The following LINGO2 variants were observed in gnomAD, a reference collection of about 807,000 sequenced individuals.
LINGO2 encodes leucine-rich repeat and immunoglobulin-like domain-containing nogo receptor-interacting protein 2.
Under a neutral mutation model 30.6 loss-of-function variants are expected in LINGO2, and 14 were observed. That is an observed-to-expected ratio of 0.46 (90% CI 0.30 to 0.72). The LOEUF is 0.72. Among genes scored for constraint, LINGO2 ranks in the 30% least tolerant of loss-of-function variants. The probability of loss-of-function intolerance (pLI) is 0.07; values close to 1 mark genes in which losing one functional copy is unlikely to be tolerated. For missense variants in LINGO2, 729 were observed against 751.7 expected (o/e 0.97, Z 0.35); for synonymous variants, 317 against 288.5 (o/e 1.10, Z -1.00).
the LINGO2 span, among the ~76,000 whole-genome samples, chr9:29,032,110 A>G: frequency 2.0e-5 from 3 of 152,304 alleles, no homozygotes; most frequent in Non-Finnish European, 4.4e-5. Context: ...TAAACTTCAT[A>G]CGTTTTAAAT....
intron 1 of LINGO2, among the ~76,000 whole-genome samples, chr9:28,510,481 C>T (rs1265018215): frequency 6.6e-6 from 1 of 151,924 alleles, no homozygotes; most frequent in East Asian, 1.9e-4. Context: ...TCATCTTTGT[C>T]TTCATGTGGA....
intron 1 of LINGO2, among the ~76,000 whole-genome samples, chr9:28,619,962 T>G (rs902231670): frequency 2.6e-5 from 4 of 151,664 alleles, no homozygotes; most frequent in Non-Finnish European, 5.9e-5. Context: ...AATTTGTACT[T>G]GAATTATTGT....
intron 1 of LINGO2, among the ~76,000 whole-genome samples, chr9:28,566,145 G>A (rs1269763213): frequency 2.0e-5 from 3 of 152,094 alleles, no homozygotes; most frequent in Non-Finnish European, 2.9e-5. Context: ...GAGTCCTAAA[G>A]GCCCTCTTCT....
At chr9:28,410,550 A>G (rs982226331) in intron 2 of LINGO2, among the ~76,000 whole-genome samples, 1 of 152,084 alleles carries the variant, frequency 6.6e-6, no homozygotes, top group African/African-American at 2.4e-5. Flanking sequence ...ATCCCATGAG[A>G]TTTCCTGTGA....
At chr9:28,746,952 C>T in the LINGO2 span, among the ~76,000 whole-genome samples, 1 of 151,944 alleles carries the variant, frequency 6.6e-6, no homozygotes, top group Non-Finnish European at 1.5e-5. Flanking sequence ...GACTATATGT[C>T]ACACACTTAG....
intron 3 of LINGO2, among the ~76,000 whole-genome samples, chr9:28,311,145 GC>G (rs931452080): frequency 1.3e-5 from 2 of 152,000 alleles, no homozygotes; most frequent in Admixed American, 6.6e-5. Flanking sequence ...GTTCTGTGAT[GC>G]CCCCCGAGCC....
chr9:28,256,904 C>CAAATTT (rs1822400100), intron 4 of LINGO2, among the ~76,000 whole-genome samples: 1 of 151,614 alleles, frequency 6.6e-6, no homozygotes, highest in Non-Finnish European at 1.5e-5. Flanking sequence ...ATATGTTTAG[C>CAAATTT]AAAGGAAAAG....
At chr9:29,117,219 G>A in the LINGO2 span, among the ~76,000 whole-genome samples, 1 of 152,228 alleles carries the variant, frequency 6.6e-6, no homozygotes, top group East Asian at 1.9e-4. Flanking sequence ...TAGAAGTGAA[G>A]GAAGCAGGAT....
At chr9:28,106,165 C>G (rs910353786) in intron 4 of LINGO2, among the ~76,000 whole-genome samples, 1 of 152,088 alleles carries the variant, frequency 6.6e-6, no homozygotes, top group African/African-American at 2.4e-5. Flanking sequence ...CCCCCTTACC[C>G]CTCCGAGTCC....
intron 3 of LINGO2, among the ~76,000 whole-genome samples, chr9:28,351,374 C>T (rs1274766306): frequency 2.1e-4 from 32 of 149,062 alleles, no homozygotes; most frequent in Middle Eastern, 3.4e-3. Flanking sequence ...ACAAACACCT[C>T]TATGCAAATA....
the LINGO2 span, among the ~76,000 whole-genome samples, chr9:28,840,207 G>A: frequency 1.3e-5 from 2 of 151,790 alleles, no homozygotes; most frequent in South Asian, 2.1e-4. Flanking sequence ...CACCCAGGAC[G>A]GTGGGTCTCC....
At chr9:28,003,338 G>GATATATAT (rs147286017) in intron 5 of LINGO2, among the ~76,000 whole-genome samples, 6 of 133,882 alleles carry the variant, frequency 4.5e-5, no homozygotes, top group Middle Eastern at 3.4e-3. Flanking sequence ...TAGATATATA[G>GATATATAT]ATATATAGAT....
chr9:28,011,385 T>C (rs4880001), intron 5 of LINGO2, among the ~76,000 whole-genome samples: 45,527 of 152,038 alleles, frequency 0.3, 7,931 homozygotes, highest in Non-Finnish European at 0.39. Context: ...CATTAGGAAA[T>C]AGCAAGAATA....
chr9:28,298,379 T>C (rs1824002422), intron 3 of LINGO2, among the ~76,000 whole-genome samples: 1 of 151,578 alleles, frequency 6.6e-6, no homozygotes, highest in African/African-American at 2.4e-5. Flanking sequence ...TAAAAATGAA[T>C]TTGGGGCTGG....
chr9:28,267,164 T>A (rs982136496), intron 4 of LINGO2, among the ~76,000 whole-genome samples: 9 of 152,080 alleles, frequency 5.9e-5, no homozygotes, highest in African/African-American at 1.9e-4. Context: ...TTTGAGATTG[T>A]GTGATTATTT....
chr9:27,938,748 G>C, the LINGO2 span: 1 of 152,116 alleles, frequency 6.6e-6, no homozygotes, highest in African/African-American at 2.4e-5. Flanking sequence ...ACAGAGCTAA[G>C]GTTTAAACCA....
In LINGO2 at chr9:28,071,222, T is replaced by C. The variant is rs374226070; in HGVS notation, c.-86-58817A>G. 3.3e-5 allele frequency among the ~76,000 whole-genome samples: 5 copies of C among 152,184 alleles called. No individual in the cohort carries two copies. The East Asian group carries it at 7.7e-4, about 23-fold the overall frequency. ...CCTTGGGGTTGAGGTGGGGCATATA[T>C]GATCCTTGGGTTGTACATTTCAAGT... On this transcript the variant is annotated intron_variant, in intron 4 of 5. Transcript: ENST00000379992.
At chr9:28,636,283 T>C (rs1035137758) in intron 1 of LINGO2, among the ~76,000 whole-genome samples, 2 of 152,216 alleles carry the variant, frequency 1.3e-5, no homozygotes, top group African/African-American at 4.8e-5. Flanking sequence ...ACAATAAACA[T>C]ACGTGTGCAT....
the LINGO2 span, among the ~76,000 whole-genome samples, chr9:29,043,988 A>G: frequency 2.0e-5 from 3 of 152,060 alleles, no homozygotes; most frequent in Admixed American, 2.0e-4. Context: ...TTGACTGCCA[A>G]TGAAAGAACA....
Sources: allele counts gnomAD v4.1 joint callset (sites outside exome capture counted in the v4.1 genomes callset), GRCh38; gene constraint gnomAD v4.1.1; transcripts MANE v1.5; gene names NCBI Gene and HGNC (gene_info 2026-07-23, HGNC 2026-07-21).